MAF: variants seen among roughly 807,000 people sequenced by gnomAD.
MAF encodes transcription factor Maf.
In MAF, 10 loss-of-function variants were observed where a neutral mutation model predicts 22.0. The ratio of observed to expected loss-of-function variants is 0.45; its 90% CI spans 0.28 to 0.77. MAF has a LOEUF of 0.77. Among genes scored for constraint, MAF ranks in the 30% least tolerant of loss-of-function variants. The pLI, the probability that MAF is intolerant of heterozygous loss-of-function variation, is 0.12. For missense variants in MAF, 544 were observed against 548.4 expected, an observed-to-expected ratio of 0.99 and a Z score of 0.08; for synonymous variants, 337 against 255.8, an observed-to-expected ratio of 1.32 and a Z score of -3.03.
chr16:79,503,686 A>G, the MAF span, among the ~76,000 whole-genome samples: 2 of 150,894 alleles, frequency 1.3e-5, no homozygotes, highest in Non-Finnish European at 3.0e-5. Flanking sequence ...GAAAAATCAC[A>G]TGAGTGTTCC....
chr16:79,534,118 C>G, the MAF span, among the ~76,000 whole-genome samples: 1 of 152,196 alleles, frequency 6.6e-6, no homozygotes, highest in Non-Finnish European at 1.5e-5. Flanking sequence ...GGCAACTGGC[C>G]TAACATTGGC....
chr16:79,337,115 C>T, the MAF span, among the ~76,000 whole-genome samples: 18,035 of 152,170 alleles, frequency 0.12, 1,556 homozygotes, highest in African/African-American at 0.24. Flanking sequence ...AAGGACTGGT[C>T]GCCGCACAGC....
At chr16:79,444,233 A>G in the MAF span, among the ~76,000 whole-genome samples, 5 of 152,296 alleles carry the variant, frequency 3.3e-5, 1 homozygote, top group South Asian at 1.0e-3. Context: ...TATAGGAAAA[A>G]CAACAGGATT....
chr16:79,240,694 C>T, the MAF span, among the ~76,000 whole-genome samples: 1 of 151,718 alleles, frequency 6.6e-6, no homozygotes, highest in African/African-American at 2.4e-5. Flanking sequence ...TTGAGCTCTG[C>T]TAAGGGTCAG....
chr16:79,447,905 A>G, the MAF span, among the ~76,000 whole-genome samples: 65 of 85,800 alleles, frequency 7.6e-4, no homozygotes, highest in East Asian at 0.015. Context: ...AAAAAAAAAA[A>G]AAAAGAAAAG....
chr16:79,279,839 T>G, the MAF span, among the ~76,000 whole-genome samples: 2 of 152,204 alleles, frequency 1.3e-5, no homozygotes, highest in South Asian at 4.1e-4. Context: ...TCCCAGAGCT[T>G]TGGCAGAGCA....
chr16:79,449,563 T>G, the MAF span, among the ~76,000 whole-genome samples: 2 of 152,188 alleles, frequency 1.3e-5, no homozygotes, highest in African/African-American at 4.8e-5. Flanking sequence ...AGCAAACATT[T>G]ATGAAGCAGT....
chr16:79,327,087 G>T, the MAF span, among the ~76,000 whole-genome samples: 6 of 152,182 alleles, frequency 3.9e-5, no homozygotes, highest in Non-Finnish European at 7.3e-5. Flanking sequence ...CAGAACAGGG[G>T]GTGGCATGCA....
the MAF span, among the ~76,000 whole-genome samples, chr16:79,379,140 T>C: frequency 6.6e-6 from 1 of 152,212 alleles, no homozygotes; most frequent in South Asian, 2.1e-4. Flanking sequence ...GTAAGATCTC[T>C]GAATCACAAA....
chr16:79,379,906 A>G, the MAF span, among the ~76,000 whole-genome samples: 33 of 152,306 alleles, frequency 2.2e-4, no homozygotes, highest in African/African-American at 7.7e-4. Context: ...GTTTGAGCTC[A>G]GAGACTCCCC....
chr16:79,355,031 T>C, the MAF span, among the ~76,000 whole-genome samples: 1 of 150,514 alleles, frequency 6.6e-6, no homozygotes, highest in Admixed American at 6.6e-5. Context: ...AAAACCCAAG[T>C]TGGCTCAAAT....
the MAF span, among the ~76,000 whole-genome samples, chr16:79,415,266 C>CAAGG: frequency 2.8e-5 from 3 of 106,356 alleles, no homozygotes; most frequent in Admixed American, 1.2e-4. Context: ...AAGGAAAGAA[C>CAAGG]AAGGAAGGAA....
At chr16:79,506,937 G>A in the MAF span, among the ~76,000 whole-genome samples, 3 of 152,152 alleles carry the variant, frequency 2.0e-5, no homozygotes, top group Admixed American at 6.5e-5. Context: ...TGGACTTAGA[G>A]GGGTGTATAG....
the MAF span, among the ~76,000 whole-genome samples, chr16:79,546,012 C>T: frequency 4.6e-5 from 7 of 151,618 alleles, no homozygotes; most frequent in South Asian, 1.3e-3. Flanking sequence ...ACATTATACA[C>T]CATAAATATA....
At chr16:79,391,884 GAGGAGGAGGAGGAGC>G in the MAF span, among the ~76,000 whole-genome samples, 47 of 115,104 alleles carry the variant, frequency 4.1e-4, no homozygotes, top group Admixed American at 9.4e-4. Context: ...GGAGGAGGAG[GAGGAGGAGGAGGAGC>G]AGGAGGAGGA....
the MAF span, among the ~76,000 whole-genome samples, chr16:79,385,481 G>A: frequency 1.3e-5 from 2 of 152,172 alleles, no homozygotes; most frequent in Admixed American, 6.5e-5. Context: ...GGTTGAAAGC[G>A]AAATAAAAAA....
At chr16:79,538,408 T>C in the MAF span, among the ~76,000 whole-genome samples, 1 of 152,134 alleles carries the variant, frequency 6.6e-6, no homozygotes, top group Admixed American at 6.5e-5. Context: ...AAATAAATTC[T>C]AAATGCACTG....
the MAF span, among the ~76,000 whole-genome samples, chr16:79,471,392 T>C: frequency 2.6e-5 from 4 of 152,224 alleles, no homozygotes; most frequent in Admixed American, 6.5e-5. Flanking sequence ...GCACAATGGC[T>C]CATGCCTATA....
the MAF span, among the ~76,000 whole-genome samples, chr16:79,334,570 A>G: frequency 3.0e-4 from 46 of 152,310 alleles, 1 homozygote; most frequent in Middle Eastern, 3.4e-3. Context: ...GCAAGACCCA[A>G]TGCAAAATGA....
Sources: gnomAD v4.1 joint callset for allele counts (sites outside exome capture counted in the v4.1 genomes callset) on GRCh38, gnomAD v4.1.1 for gene constraint, MANE v1.5 for transcripts, NCBI Gene and HGNC (gene_info 2026-07-23, HGNC 2026-07-21) for gene names.